The following AIG1 variants were observed in gnomAD, a reference collection of about 807,000 sequenced individuals.
AIG1 encodes androgen-induced gene 1 protein.
In AIG1, 23 loss-of-function variants were observed where a neutral mutation model predicts 31.4. The ratio of observed to expected loss-of-function variants is 0.73; its 90% CI spans 0.53 to 1.04. The LOEUF is 1.04. Among genes scored for constraint, AIG1 ranks in the 50% least tolerant of loss-of-function variants. The pLI is 0.00. For missense variants in AIG1, 274 were observed against 295.0 expected (o/e 0.93, Z 0.52); for synonymous variants, 100 against 110.5 (o/e 0.90, Z 0.60).
At chr6:143,200,894 A>G (rs989109414) in intron 3 of AIG1, among the ~76,000 whole-genome samples, 5 of 150,856 alleles carry the variant, frequency 3.3e-5, no homozygotes, top group African/African-American at 1.2e-4. Context: ...AAGCACCCAC[A>G]TTTATATCTC....
intron 3 of AIG1, among the ~76,000 whole-genome samples, chr6:143,234,315 A>G (rs1005893055): frequency 1.3e-5 from 2 of 152,242 alleles, no homozygotes; most frequent in East Asian, 1.9e-4. Flanking sequence ...AGAAAAAGTA[A>G]TGTTGCTCAG....
At chr6:143,296,589 C>A (rs1798442305) in intron 4 of AIG1, among the ~76,000 whole-genome samples, 1 of 152,090 alleles carries the variant, frequency 6.6e-6, no homozygotes, top group Non-Finnish European at 1.5e-5. Context: ...ATTTGTATCT[C>A]CCACAGCACC....
intron 3 of AIG1, among the ~76,000 whole-genome samples, chr6:143,282,412 C>T (rs1797396119): frequency 6.6e-6 from 1 of 152,080 alleles, no homozygotes; most frequent in Admixed American, 6.5e-5. Context: ...ACTATTGTTG[C>T]CATCTCAAAC....
Position 143,095,150 on chromosome 6 carries a change from A to G in AIG1, c.141+34084A>G, listed in dbSNP as rs186232438. Among the ~76,000 whole-genome samples, 24 of 152,342 alleles carry G rather than the reference A, an allele frequency of 1.6e-4. No homozygotes were observed. The East Asian group carries it at 4.4e-3, about 28-fold the overall frequency. ...GTGTGATGGAGAATAAGCTAAAGAA[A>G]TGTTTTCAGAATTTAGAAGAAAAGG... On this transcript the variant is annotated intron_variant, in intron 1 of 5. Transcript: ENST00000357847.
At chr6:143,093,061 A>G (rs1486615805) in intron 1 of AIG1, among the ~76,000 whole-genome samples, 1 of 152,148 alleles carries the variant, frequency 6.6e-6, no homozygotes, top group Non-Finnish European at 1.5e-5. Flanking sequence ...TGAAAAAAAC[A>G]AAACAATCAT....
At chr6:143,265,176 G>A (rs1417584234) in intron 3 of AIG1, among the ~76,000 whole-genome samples, 1 of 152,062 alleles carries the variant, frequency 6.6e-6, no homozygotes, top group East Asian at 1.9e-4. Flanking sequence ...TACAAGCCTG[G>A]CAGTTTCATT....
At chr6:143,062,402 T>C (rs889123592) in intron 1 of AIG1, among the ~76,000 whole-genome samples, 3 of 152,186 alleles carry the variant, frequency 2.0e-5, no homozygotes, top group Non-Finnish European at 4.4e-5. Context: ...CCAGTTCTCC[T>C]TTCATTCTCC....
chr6:143,129,508 T>A (rs1323432405), intron 1 of AIG1, among the ~76,000 whole-genome samples: 2 of 152,100 alleles, frequency 1.3e-5, no homozygotes, highest in Non-Finnish European at 2.9e-5. Context: ...CACCATTGGG[T>A]AAGAAGATGA....
intron 3 of AIG1, among the ~76,000 whole-genome samples, chr6:143,185,815 C>T (rs1789207567): frequency 2.0e-5 from 3 of 152,122 alleles, no homozygotes; most frequent in Non-Finnish European, 4.4e-5. Context: ...TATCACATTT[C>T]CTTATTCTCC....
chr6:143,206,104 A>T (rs1205980145), intron 3 of AIG1, among the ~76,000 whole-genome samples: 1 of 152,184 alleles, frequency 6.6e-6, no homozygotes, highest in Non-Finnish European at 1.5e-5. Context: ...GCTTGTATAG[A>T]CACACTGTCA....
rs778626539 is a variant in AIG1, at chr6:143,284,069, A to G, written c.400-41A>G. Reference sequence around the variant, plus strand: ...GTGAAAAAACAACTATAGAGAGACAATGATAGCAATCTGTGTCACCTAGTC... The same window carrying G: ...GTGAAAAAACAACTATAGAGAGACAGTGATAGCAATCTGTGTCACCTAGTC... On this transcript the variant is annotated intron_variant, in intron 3 of 5. Coordinates refer to ENST00000357847, the MANE Select transcript of AIG1 (RefSeq NM_016108.4). The surrounding 1 kb of genome is among the most constrained non-coding windows in gnomAD (Gnocchi z 4.4). 5.5e-6 allele frequency: 8 copies of G among 1,450,938 alleles called. No homozygotes were observed. The highest frequency in any genetic ancestry group is 1.7e-5 in the Admixed American group (1 of 59,092). The allele number at this position is 1,450,938 out of a possible 1,614,324, so 89.9% of individuals were successfully genotyped here. A position where few individuals can be genotyped will look rare whatever the true frequency, so the allele number is the denominator to read the frequency against.
chr6:143,280,120 A>G lies in AIG1; in HGVS notation c.400-3990A>G, dbSNP rs367826517. On this transcript the variant is annotated intron_variant, in intron 3 of 5. Coordinates refer to ENST00000357847, the MANE Select transcript of AIG1 (RefSeq NM_016108.4). This position sits in a 1 kb window ranked among gnomAD's most constrained non-coding sequence, Gnocchi z 4.1. ...TACCTGAAAATACTGTAAGTTGTAA[A>G]TGGTATTTGTGTTTGGGGAAACAGC... Among the ~76,000 whole-genome samples, 223 of 152,336 alleles carry G rather than the reference A, an allele frequency of 1.5e-3. No homozygotes were observed. Among genetic ancestry groups the G allele is most frequent in the African/African-American group, 4.8e-3 (199 of 41,570 alleles).
intron 3 of AIG1, chr6:143,188,646 C>T (rs1789498050): frequency 1.0e-6 from 1 of 984,652 alleles, no homozygotes; most frequent in East Asian, 1.1e-4. Context: ...TTCTACACTT[C>T]TTTTAACAAA....
chr6:143,274,133 C>T (rs1266423177), intron 3 of AIG1, among the ~76,000 whole-genome samples: 1 of 152,138 alleles, frequency 6.6e-6, no homozygotes, highest in Non-Finnish European at 1.5e-5. Flanking sequence ...CGATGAGAGA[C>T]GATTTCAGGT....
intron 3 of AIG1, among the ~76,000 whole-genome samples, chr6:143,173,363 A>C (rs966134849): frequency 6.6e-6 from 1 of 152,172 alleles, no homozygotes; most frequent in Non-Finnish European, 1.5e-5. Context: ...GCGCCTAGAC[A>C]GCCACCATGG....
intron 2 of AIG1, among the ~76,000 whole-genome samples, chr6:143,141,463 A>G (rs1284250746): frequency 6.6e-6 from 1 of 152,252 alleles, no homozygotes; most frequent in African/African-American, 2.4e-5. Context: ...ATCATGAAAC[A>G]TTCCAATCAA....
intron 1 of AIG1, among the ~76,000 whole-genome samples, chr6:143,131,330 T>G (rs989731878): frequency 6.6e-6 from 1 of 152,228 alleles, no homozygotes; most frequent in African/African-American, 2.4e-5. Flanking sequence ...CAAAATTTTT[T>G]AAATGGCCCC....
chr6:143,073,628 A>G (rs1356569622), intron 1 of AIG1, among the ~76,000 whole-genome samples: 1 of 151,990 alleles, frequency 6.6e-6, no homozygotes, highest in Non-Finnish European at 1.5e-5. Flanking sequence ...CATACCTGAG[A>G]CTGGGTAATT....
chr6:143,150,289 G>A (rs1278871803), intron 2 of AIG1, among the ~76,000 whole-genome samples: 1 of 152,144 alleles, frequency 6.6e-6, no homozygotes, highest in African/African-American at 2.4e-5. Context: ...ATATTTTGGT[G>A]TAAGAAAGGC....
Sources: allele counts gnomAD v4.1 joint callset (sites outside exome capture counted in the v4.1 genomes callset), GRCh38; gene constraint gnomAD v4.1.1; non-coding constraint Gnocchi (gnomAD v3.1); transcripts MANE v1.5; gene names NCBI Gene and HGNC (gene_info 2026-07-23, HGNC 2026-07-21).